The following C8orf34 variants were observed in gnomAD, a reference collection of about 807,000 sequenced individuals.
The protein encoded by C8orf34 is chromosome 8 open reading frame 34.
Under a neutral mutation model 68.3 loss-of-function variants are expected in C8orf34, and 65 were observed. The observed-to-expected ratio is 0.95, with a 90% CI of 0.78 to 1.17. The LOEUF (loss-of-function observed/expected upper bound fraction) is 1.17. C8orf34 is among the 50% of genes most tolerant of loss of function. C8orf34 has a pLI of 0.00. For synonymous variants in C8orf34, 244 were observed against 241.2 expected, an observed-to-expected ratio of 1.01 and a Z score of -0.11; for missense variants, 664 against 655.4, an observed-to-expected ratio of 1.01 and a Z score of -0.14.
intron 1 of C8orf34, among the ~76,000 whole-genome samples, chr8:68,334,228 G>T (rs917585554): frequency 6.6e-6 from 1 of 152,020 alleles, no homozygotes; most frequent in African/African-American, 2.4e-5. Context: ...TGACTCAGGT[G>T]AATAAATTTG....
intron 6 of C8orf34, among the ~76,000 whole-genome samples, chr8:68,528,488 C>T (rs1815107807): frequency 6.6e-6 from 1 of 152,122 alleles, no homozygotes; most frequent in African/African-American, 2.4e-5. Context: ...GTAATTTGTC[C>T]CTTGGATATG....
chr8:68,796,969 G>A (rs187562533), intron 12 of C8orf34, among the ~76,000 whole-genome samples: 106 of 152,104 alleles, frequency 7.0e-4, no homozygotes, highest in African/African-American at 2.4e-3. Context: ...TGGGATTACA[G>A]GCACATGCCA....
At chr8:68,675,882 A>C in intron 8 of C8orf34, among the ~76,000 whole-genome samples, 1 of 152,230 alleles carries the variant, frequency 6.6e-6, no homozygotes. Flanking sequence ...ACTGAAAATA[A>C]ACGAATGGAA....
intron 8 of C8orf34, among the ~76,000 whole-genome samples, chr8:68,650,116 T>G (rs1819301746): frequency 6.6e-6 from 1 of 151,858 alleles, no homozygotes; most frequent in Non-Finnish European, 1.5e-5. Context: ...GTTGTTCGAG[T>G]AAAATATTAA....
chr8:68,570,115 C>G (rs545322443), intron 7 of C8orf34, among the ~76,000 whole-genome samples: 28 of 152,180 alleles, frequency 1.8e-4, no homozygotes, highest in Non-Finnish European at 3.5e-4. Context: ...ACAGTTTTCT[C>G]TCTTCAGAGT....
chr8:68,659,284 T>C (rs551200496), intron 8 of C8orf34, among the ~76,000 whole-genome samples: 1 of 152,188 alleles, frequency 6.6e-6, no homozygotes, highest in East Asian at 1.9e-4. Context: ...TGATTTAATA[T>C]TGGAGCACTT....
At chr8:68,784,232 G>T (rs1339127255) in intron 11 of C8orf34, among the ~76,000 whole-genome samples, 2 of 152,256 alleles carry the variant, frequency 1.3e-5, no homozygotes, top group East Asian at 3.9e-4. Context: ...CAGGAGTACA[G>T]CTCAGATATT....
intron 9 of C8orf34, among the ~76,000 whole-genome samples, chr8:68,715,382 G>C (rs1489982295): frequency 6.6e-6 from 1 of 151,952 alleles, no homozygotes; most frequent in East Asian, 1.9e-4. Context: ...TTATGACAAT[G>C]ACTAATATCC....
chr8:68,753,021 ATGT>A lies in C8orf34; in HGVS notation c.1405-23372_1405-23370del, dbSNP rs1463147252. Among the ~76,000 whole-genome samples the A allele has an allele frequency of 2.1e-4, 32 of 152,256 alleles. No individual in the cohort carries two copies. In the East Asian group the frequency reaches 3.3e-3, roughly 16 times the overall value. ...TAATTTCCTCCCAATCCACCAGAAAATGTTGTTGATTTTTAAAAATGACAGGCA... is the reference window on the plus strand; with the variant it reads ...TAATTTCCTCCCAATCCACCAGAAAATGTTGATTTTTAAAAATGACAGGCA... On this transcript the variant is annotated intron_variant, in intron 10 of 13. Transcript: ENST00000518698.
At chr8:68,544,992 A>G (rs1485887374) in intron 7 of C8orf34, among the ~76,000 whole-genome samples, 1 of 152,196 alleles carries the variant, frequency 6.6e-6, no homozygotes, top group East Asian at 1.9e-4. Context: ...TGTCCATTTT[A>G]TCCCCAAATT....
At chr8:68,635,401 A>G (rs1256866540) in intron 7 of C8orf34, among the ~76,000 whole-genome samples, 1 of 152,216 alleles carries the variant, frequency 6.6e-6, no homozygotes, top group Admixed American at 6.5e-5. Context: ...TCATATCAGT[A>G]TGAAAGACAT....
At chr8:68,403,231 G>A (rs1403564419) in intron 1 of C8orf34, among the ~76,000 whole-genome samples, 1 of 151,894 alleles carries the variant, frequency 6.6e-6, no homozygotes, top group Non-Finnish European at 1.5e-5. Flanking sequence ...AGGACTGGCA[G>A]TGATTCCTGT....
intron 3 of C8orf34, among the ~76,000 whole-genome samples, chr8:68,464,745 A>G (rs1812027385): frequency 6.6e-6 from 1 of 151,300 alleles, no homozygotes; most frequent in African/African-American, 2.4e-5. Context: ...CTGGCTAGCC[A>G]TATGGAGAAA....
intron 1 of C8orf34, among the ~76,000 whole-genome samples, chr8:68,424,902 AAATAAT>A (rs898587113): frequency 2.0e-5 from 3 of 151,990 alleles, no homozygotes; most frequent in Admixed American, 2.0e-4. Flanking sequence ...TCCATCCCAA[AAATAAT>A]AATAATAATA....
At chr8:68,590,981 A>G (rs1262673459) in intron 7 of C8orf34, among the ~76,000 whole-genome samples, 1 of 152,128 alleles carries the variant, frequency 6.6e-6, no homozygotes, top group African/African-American at 2.4e-5. Flanking sequence ...CCCAGATGAG[A>G]CTATCTCACC....
chr8:68,534,282 T>C (rs1042549473), intron 7 of C8orf34: 2 of 985,270 alleles, frequency 2.0e-6, no homozygotes, highest in Admixed American at 6.1e-5. Flanking sequence ...TCCCTTCCAA[T>C]TGGGTCTTTT....
chr8:68,584,108 C>T (rs555725750), intron 7 of C8orf34, among the ~76,000 whole-genome samples: 47 of 152,210 alleles, frequency 3.1e-4, no homozygotes, highest in African/African-American at 1.1e-3. Flanking sequence ...GTTATGGATG[C>T]ATTAATTCTC....
intron 5 of C8orf34, among the ~76,000 whole-genome samples, chr8:68,495,915 G>A (rs577525867): frequency 2.0e-5 from 3 of 152,178 alleles, no homozygotes; most frequent in Non-Finnish European, 4.4e-5. Context: ...TAAGCTTTTG[G>A]TAAATAATTA....
chr8:68,763,720 A>G (rs1823088896), intron 10 of C8orf34, among the ~76,000 whole-genome samples: 1 of 152,152 alleles, frequency 6.6e-6, no homozygotes, highest in African/African-American at 2.4e-5. Flanking sequence ...TATCTTTTGT[A>G]TATTAAATTA....
Sources: allele counts gnomAD v4.1 joint callset (sites outside exome capture counted in the v4.1 genomes callset), GRCh38; gene constraint gnomAD v4.1.1; transcripts MANE v1.5; gene names NCBI Gene and HGNC (gene_info 2026-07-23, HGNC 2026-07-21).